The following NBEA variants were observed in gnomAD, a reference collection of about 807,000 sequenced individuals.
NBEA encodes neurobeachin.
Under a neutral mutation model 343.4 loss-of-function variants are expected in NBEA, and 44 were observed. That is an observed-to-expected ratio of 0.13 (90% CI 0.10 to 0.16). NBEA has a LOEUF of 0.16. Among genes scored for constraint, NBEA ranks in the 10% least tolerant of loss-of-function variants. The pLI, the probability that NBEA is intolerant of heterozygous loss-of-function variation, is 1.00. For synonymous variants in NBEA, 1,175 were observed against 1,238.7 expected (o/e 0.95, Z 1.08); for missense variants, 2,555 against 3,631.3 (o/e 0.70, Z 7.62).
intron 18 of NBEA, among the ~76,000 whole-genome samples, chr13:35,149,822 C>T (rs2068661049): frequency 6.6e-6 from 1 of 152,108 alleles, no homozygotes; most frequent in Non-Finnish European, 1.5e-5. Context: ...ATTTGAAAAA[C>T]CATTGTGTAG....
At chr13:35,320,994 A>G (rs762949681) in intron 36 of NBEA, among the ~76,000 whole-genome samples, 7 of 151,522 alleles carry the variant, frequency 4.6e-5, no homozygotes, top group Admixed American at 2.0e-4. Flanking sequence ...AATTCCTCCA[A>G]CGTTTTTTTC....
chr13:35,234,588 C>G (rs1488099891), intron 34 of NBEA, among the ~76,000 whole-genome samples: 1 of 152,176 alleles, frequency 6.6e-6, no homozygotes, highest in Non-Finnish European at 1.5e-5. Flanking sequence ...AGATGGCCTA[C>G]TGACCACTTG....
chr13:35,637,754 G>A (rs1448876584), intron 49 of NBEA, among the ~76,000 whole-genome samples: 8 of 151,938 alleles, frequency 5.3e-5, no homozygotes, highest in South Asian at 2.1e-4. Flanking sequence ...CCCGGGAGGC[G>A]GAGGTTGCAG....
At chr13:35,646,086 G>C (rs1160048436) in intron 50 of NBEA, among the ~76,000 whole-genome samples, 155 bp downstream of exon 50, 1 of 152,214 alleles carries the variant, frequency 6.6e-6, no homozygotes, top group Non-Finnish European at 1.5e-5. Flanking sequence ...AGCAAAGCTT[G>C]TCTACAAAAT....
chr13:34,979,718 A>G (rs1406209308), intron 1 of NBEA, among the ~76,000 whole-genome samples: 1 of 152,184 alleles, frequency 6.6e-6, no homozygotes, highest in African/African-American at 2.4e-5. Context: ...GCACTTTTAA[A>G]TATTGATAGA....
chr13:35,028,472 T>A (rs746053122), intron 1 of NBEA, among the ~76,000 whole-genome samples: 2 of 151,878 alleles, frequency 1.3e-5, no homozygotes, highest in Non-Finnish European at 3.0e-5. Flanking sequence ...TATATAGAAA[T>A]AGAATTGACT....
intron 38 of NBEA, among the ~76,000 whole-genome samples, chr13:35,372,522 A>T (rs959264530): frequency 2.0e-5 from 3 of 152,094 alleles, no homozygotes; most frequent in African/African-American, 7.2e-5. Flanking sequence ...TGAGGTAGAC[A>T]GGGAGGGGTT....
rs1202900421 is a variant in NBEA, at chr13:35,045,473, A to G, written c.723+72A>G. On this transcript the variant is annotated intron_variant, in intron 4 of 58. Transcript: ENST00000379939. ...TCACCTTTAGTAAGGTTTAACTTAC[A>G]TATAATAAAATTTACCAGTTTAGAA... is the stretch of plus-strand genomic sequence containing the variant. The G allele has an allele frequency of 5.1e-6, 6 of 1,186,034 alleles. No individual in the cohort carries two copies. In the South Asian group the frequency reaches 7.4e-5, roughly 15 times the overall value. 73.5% of individuals were successfully genotyped at this position (1,186,034 alleles called of 1,614,324 possible). A position where few individuals can be genotyped will look rare whatever the true frequency, so the allele number is the denominator to read the frequency against.
chr13:35,438,470 G>T (rs2152935093), intron 39 of NBEA, among the ~76,000 whole-genome samples: 1 of 152,284 alleles, frequency 6.6e-6, no homozygotes, highest in Admixed American at 6.5e-5. Context: ...CATTTTTCAA[G>T]ACTTTATAGT....
At chr13:35,054,643 CTT>C (rs1186551019) in intron 6 of NBEA, among the ~76,000 whole-genome samples, 7 of 117,444 alleles carry the variant, frequency 6.0e-5, no homozygotes, top group Non-Finnish European at 1.1e-4. Flanking sequence ...GTTTTCTTTT[CTT>C]TTTTTTTTTT....
At position 35,173,516 on chromosome 13, in the gene NBEA, C is replaced by G; in HGVS notation, c.4476C>G (p.Asp1492Glu). 6.2e-7 allele frequency: 1 copy of G among 1,610,336 alleles called. No homozygotes were observed. Among genetic ancestry groups the G allele is most frequent in the Non-Finnish European group, 8.5e-7 (1 of 1,177,706 alleles). The stretch of plus-strand genomic sequence containing the variant: ...TAGAATGTCGGCAAAGACAGAGAGA[C>G]AGGGGAAATAAATCTTCCCATGGAA... ...NCLECRQRQRDRGNKSSHGSS... is the reference protein window; with the variant it reads ...NCLECRQRQRERGNKSSHGSS... Residue 1492 changes from aspartate to glutamate, a missense_variant, in exon 27 of 59, where the codon GAC becomes GAG. Asp to Glu is a conservative substitution (Grantham distance 45). Coordinates refer to ENST00000379939, the MANE Select transcript of NBEA (RefSeq NM_001385012.1).
intron 18 of NBEA, 41 bp from the exon 19 acceptor site, chr13:35,155,733 A>T (rs1186620924): frequency 1.4e-6 from 2 of 1,472,914 alleles, no homozygotes; most frequent in South Asian, 1.1e-5. Flanking sequence ...ATTATTATTT[A>T]AATTGTTTTC....
chr13:35,334,410 C>T (rs1181683175), intron 36 of NBEA, among the ~76,000 whole-genome samples: 2 of 152,096 alleles, frequency 1.3e-5, no homozygotes, highest in African/African-American at 4.8e-5. Context: ...GCTGACATTA[C>T]AGGTGCCCAC....
chr13:34,976,430 G>A (rs2060176291), intron 1 of NBEA, among the ~76,000 whole-genome samples: 1 of 152,094 alleles, frequency 6.6e-6, no homozygotes, highest in African/African-American at 2.4e-5. Flanking sequence ...GGCAAAGAAT[G>A]GGGGGTGGCA....
rs111494248 is a variant in NBEA, at chr13:35,122,560, G to A, written c.2244-922G>A. Reference sequence around the variant, plus strand: ...ACAGGAAGGGGAACATCACACACCGGGGCCTGTTGTGGGGTCGGGGGAGGG... The same window carrying A: ...ACAGGAAGGGGAACATCACACACCGAGGCCTGTTGTGGGGTCGGGGGAGGG... On this transcript the variant is annotated intron_variant, in intron 16 of 58. Coordinates refer to ENST00000379939, the MANE Select transcript of NBEA (RefSeq NM_001385012.1). Among the ~76,000 whole-genome samples, 857 of 138,746 alleles carry A rather than the reference G, an allele frequency of 6.2e-3. 9 individuals are homozygous for A. The highest frequency in any genetic ancestry group is 0.022 in the African/African-American group (817 of 37,988). 91.0% of individuals were successfully genotyped at this position (138,746 alleles called of 152,430 possible). A position where few individuals can be genotyped will look rare whatever the true frequency, so the allele number is the denominator to read the frequency against.
intron 56 of NBEA, among the ~76,000 whole-genome samples, chr13:35,665,489 T>G (rs2085307445): frequency 6.6e-6 from 1 of 152,124 alleles, no homozygotes; most frequent in Non-Finnish European, 1.5e-5. Context: ...ATCCCTGATG[T>G]AGTGGGGGAG....
intron 43 of NBEA, among the ~76,000 whole-genome samples, chr13:35,552,704 A>G (rs1490301109): frequency 6.6e-6 from 1 of 152,202 alleles, no homozygotes; most frequent in African/African-American, 2.4e-5. Context: ...CTCAATGACC[A>G]TGATTCCTGA....
intron 34 of NBEA, among the ~76,000 whole-genome samples, chr13:35,278,824 C>G (rs1285414855): frequency 1.3e-5 from 2 of 151,964 alleles, no homozygotes; most frequent in African/African-American, 4.8e-5. Context: ...GGCTTTGCAA[C>G]CATGTAGTCT....
At chr13:35,188,558 T>C (rs1330185401) in intron 30 of NBEA, among the ~76,000 whole-genome samples, 1 of 152,190 alleles carries the variant, frequency 6.6e-6, no homozygotes, top group East Asian at 1.9e-4. Flanking sequence ...TTGTCATAAA[T>C]GACAGGAGTT....
Sources: allele counts gnomAD v4.1 joint callset (sites outside exome capture counted in the v4.1 genomes callset), GRCh38; gene constraint gnomAD v4.1.1; transcripts MANE v1.5; gene names NCBI Gene and HGNC (gene_info 2026-07-23, HGNC 2026-07-21).